Variants in GMNN observed in about 807,000 individuals in gnomAD.
GMNN encodes the protein geminin.
In GMNN, 14 loss-of-function variants were observed where a neutral mutation model predicts 20.9. That is an observed-to-expected ratio of 0.67 (90% CI 0.44 to 1.05). The LOEUF (loss-of-function observed/expected upper bound fraction) is 1.05. Among genes scored for constraint, GMNN ranks in the 50% least tolerant of loss-of-function variants. GMNN has a pLI of 0.00. For synonymous variants in GMNN, 81 were observed against 85.8 expected (o/e 0.94, Z 0.31); for missense variants, 227 against 243.8 (o/e 0.93, Z 0.46).
intron 2 of GMNN, among the ~76,000 whole-genome samples, chr6:24,780,437 A>G: frequency 6.6e-6 from 1 of 152,344 alleles, no homozygotes; most frequent in South Asian, 2.1e-4. Flanking sequence ...TTCAAACTTT[A>G]TTATAATTTT....
intron 2 of GMNN, among the ~76,000 whole-genome samples, chr6:24,780,286 A>G (rs1780174861): frequency 1.3e-5 from 2 of 152,318 alleles, no homozygotes; most frequent in African/African-American, 2.4e-5. Flanking sequence ...GAAACTGTTC[A>G]TTGGAGCTGA....
chr6:24,784,343 T>G, intron 5 of GMNN, 101 bp from the exon 6 acceptor site: 1 of 709,096 alleles, frequency 1.4e-6, no homozygotes, highest in South Asian at 1.7e-5. Context: ...TGAGAGTCAA[T>G]TCTATGCTGC....
chr6:24,780,584 C>A, intron 2 of GMNN, 79 bp from the exon 3 acceptor site: 1 of 797,052 alleles, frequency 1.3e-6, no homozygotes, highest in Non-Finnish European at 2.2e-6. Context: ...CTAAGAGTAA[C>A]ACTCCATACA....
chr6:24,776,704 C>A lies in GMNN; in HGVS notation c.-25-518C>A, dbSNP rs184935655. ...TACATAGATCCCTTTCTACCTTTTCCCTCTTTCTTGCTTGTTAGTCCTTCA... is the reference window on the plus strand; with the variant it reads ...TACATAGATCCCTTTCTACCTTTTCACTCTTTCTTGCTTGTTAGTCCTTCA... On this transcript the variant is annotated intron_variant, in intron 1 of 6. Transcript: ENST00000230056. 2.0e-4 allele frequency among the ~76,000 whole-genome samples: 31 copies of A among 152,288 alleles called. 1 individual carries two copies. The highest frequency in any genetic ancestry group is 1.7e-3 in the Admixed American group (26 of 15,292).
At chr6:24,779,858 T>G (rs1221524963) in intron 2 of GMNN, among the ~76,000 whole-genome samples, 1 of 152,202 alleles carries the variant, frequency 6.6e-6, no homozygotes, top group Non-Finnish European at 1.5e-5. Flanking sequence ...TTTAGAGTAT[T>G]TTAGTATGCC....
At chr6:24,785,614 A>C (rs1256387074) in intron 6 of GMNN, 24 bp from the exon 7 acceptor site, 1 of 1,255,160 alleles carries the variant, frequency 8.0e-7, no homozygotes, top group African/African-American at 1.5e-5. Context: ...TTTTACAATA[A>C]ATTATTGGTT....
intron 3 of GMNN, among the ~76,000 whole-genome samples, chr6:24,781,171 T>C (rs1780205161): frequency 6.6e-6 from 1 of 151,960 alleles, no homozygotes; most frequent in Admixed American, 6.6e-5. Flanking sequence ...ACCACTGCAC[T>C]CCAGCTTGGG....
At chr6:24,784,673 C>T (rs1381656480) in intron 6 of GMNN, 119 bp downstream of exon 6, 1 of 517,396 alleles carries the variant, frequency 1.9e-6, no homozygotes, top group Non-Finnish European at 3.5e-6. Flanking sequence ...GGATTTAAGA[C>T]TTAACTTCCT....
chr6:24,780,955 C>A (rs1379311817), intron 3 of GMNN, among the ~76,000 whole-genome samples: 1 of 152,154 alleles, frequency 6.6e-6, no homozygotes, highest in Non-Finnish European at 1.5e-5. Context: ...TATCCCAGCA[C>A]TTAGGGAGGC....
chr6:24,777,033 A>T, intron 1 of GMNN, 189 bp from the exon 2 acceptor site: 1 of 357,914 alleles, frequency 2.8e-6, no homozygotes, highest in Non-Finnish European at 5.0e-6. Flanking sequence ...TTATGTGTGT[A>T]TATATGTAAA....
chr6:24,784,525 C>T lies in GMNN; in HGVS notation c.439C>T (p.His147Tyr). The T allele has an allele frequency of 6.6e-7, 1 of 1,525,666 alleles. No homozygotes were observed. Among genetic ancestry groups the T allele is most frequent in the Non-Finnish European group, 9.1e-7 (1 of 1,099,702 alleles). 94.5% of individuals were successfully genotyped at this position (1,525,666 alleles called of 1,614,324 possible). ...TAAAGAACTGGCAGAAGTAGCAGAACATGTACAGTATATGGCAGAGCTAAT... is the reference window on the plus strand; with the variant it reads ...TAAAGAACTGGCAGAAGTAGCAGAATATGTACAGTATATGGCAGAGCTAAT... Reference protein sequence around the residue: ...ENKELAEVAEHVQYMAELIER... With the variant: ...ENKELAEVAEYVQYMAELIER... Residue 147 changes from histidine to tyrosine, a missense_variant, in exon 6 of 7, where the codon CAT becomes TAT. By Grantham distance (83) the His-to-Tyr change is moderately conservative. Transcript: ENST00000230056.
chr6:24,781,999 T>C (rs914725011), intron 4 of GMNN, among the ~76,000 whole-genome samples: 4 of 152,052 alleles, frequency 2.6e-5, no homozygotes, highest in Admixed American at 1.3e-4. Context: ...GAGGATCACT[T>C]GAGCCTAGGA....
Position 24,777,242 on chromosome 6 carries a change from A to G in GMNN, c.-5A>G, listed in dbSNP as rs759297569. The G allele has an allele frequency of 2.2e-6, 3 of 1,372,576 alleles. No homozygotes were observed. The highest frequency in any genetic ancestry group is 2.5e-5 in the East Asian group (1 of 39,962). 85.0% of individuals were successfully genotyped at this position (1,372,576 alleles called of 1,614,324 possible). ...ACTAGTCTTCTGTGCTTCACCATCT[A>G]CATAATGAATCCCAGTATGAAGCAG... On this transcript the variant is annotated 5_prime_UTR_variant, in exon 2 of 7. Coordinates refer to ENST00000230056, the MANE Select transcript of GMNN (RefSeq NM_015895.5).
chr6:24,780,876 C>T (rs1276763704), intron 3 of GMNN, 136 bp downstream of exon 3: 1 of 599,862 alleles, frequency 1.7e-6, no homozygotes, highest in African/African-American at 1.9e-5. Flanking sequence ...TATATATTTC[C>T]CAAAGAAGTG....
At chr6:24,775,848 GAC>G (rs1780053333) in intron 1 of GMNN, 1 of 152,166 alleles carries the variant, frequency 6.6e-6, no homozygotes, top group African/African-American at 2.4e-5. Flanking sequence ...CGCAACCTAG[GAC>G]ACAGCTATCT....
At chr6:24,782,278 T>C (rs1454320498) in intron 4 of GMNN, among the ~76,000 whole-genome samples, 4 of 152,074 alleles carry the variant, frequency 2.6e-5, no homozygotes, top group Non-Finnish European at 4.4e-5. Flanking sequence ...AATAAAAATA[T>C]GGATGAAGAG....
intron 4 of GMNN, among the ~76,000 whole-genome samples, chr6:24,782,834 TTTG>T (rs1188133858): frequency 6.6e-6 from 1 of 152,102 alleles, no homozygotes; most frequent in Non-Finnish European, 1.5e-5. Context: ...CTTTATTACA[TTTG>T]TTGTTTGAAC....
intron 1 of GMNN, among the ~76,000 whole-genome samples, chr6:24,776,143 G>C (rs1191881977): frequency 6.6e-6 from 1 of 151,964 alleles, no homozygotes; most frequent in Non-Finnish European, 1.5e-5. Context: ...TGTTGCCCAG[G>C]CTGGAGTGCA....
rs758203415 is a variant in GMNN, at chr6:24,785,790, A to C, written c.621A>C (p.Pro207=). 2 of 1,570,586 alleles carry C rather than the reference A, an allele frequency of 1.3e-6. No individual in the cohort carries two copies. The highest frequency in any genetic ancestry group is 1.7e-6 in the Non-Finnish European group (2 of 1,158,514). ...GTVSSSTDAK[P]CI Reference sequence around the variant, plus strand: ...TATCTTCCTCTACGGATGCAAAGCCATGTATATGAAATGCATTAATATTTG... The same window carrying C: ...TATCTTCCTCTACGGATGCAAAGCCCTGTATATGAAATGCATTAATATTTG... The change falls in exon 7 of 7, where the codon CCA becomes CCC. Residue 207 remains proline (P), a synonymous_variant. Coordinates refer to ENST00000230056, the MANE Select transcript of GMNN (RefSeq NM_015895.5).
Sources: allele counts gnomAD v4.1 joint callset (sites outside exome capture counted in the v4.1 genomes callset), GRCh38; gene constraint gnomAD v4.1.1; transcripts MANE v1.5; gene names NCBI Gene and HGNC (gene_info 2026-07-23, HGNC 2026-07-21).